RASGEF1A: variants seen among roughly 807,000 people sequenced by gnomAD.
RASGEF1A encodes RasGEF domain family member 1A, also known as ras-GEF domain-containing family member 1A.
A neutral mutation model predicts 56.4 loss-of-function variants in RASGEF1A; 18 were observed. The ratio of observed to expected loss-of-function variants is 0.32; its 90% CI spans 0.22 to 0.47. The LOEUF (loss-of-function observed/expected upper bound fraction) is 0.47. RASGEF1A is among the 20% of genes least tolerant of loss of function. RASGEF1A has a pLI of 1.00. For missense variants in RASGEF1A, 422 were observed against 627.1 expected (o/e 0.67, Z 3.49); for synonymous variants, 245 against 242.6 (o/e 1.01, Z -0.09).
chr10:43,226,073 T>C (rs752277007), intron 1 of RASGEF1A, among the ~76,000 whole-genome samples: 7 of 152,152 alleles, frequency 4.6e-5, no homozygotes, highest in Non-Finnish European at 7.4e-5. Context: ...ACACCAGCTT[T>C]GCCAACAAAA....
In RASGEF1A at chr10:43,209,689, C is replaced by A. The variant is rs570468190; in HGVS notation, c.-6-3567G>T. Among the ~76,000 whole-genome samples the A allele has an allele frequency of 2.6e-4, 39 of 151,544 alleles. 1 individual carries two copies. Among genetic ancestry groups the A allele is most frequent in the African/African-American group, 5.8e-4 (24 of 41,270 alleles). On this transcript the variant is annotated intron_variant, in intron 1 of 12. Transcript: ENST00000395810. Reference sequence around the variant, plus strand: ...CTGTGGAGAGCTCAGGAAGCCCCCCCACCAGGGCTAGGCAGAGATAGGGCT... The same window carrying A: ...CTGTGGAGAGCTCAGGAAGCCCCCCAACCAGGGCTAGGCAGAGATAGGGCT...
At chr10:43,250,583 GAGACCCCA>G (rs1188358904) in intron 1 of RASGEF1A, among the ~76,000 whole-genome samples, 4 of 152,184 alleles carry the variant, frequency 2.6e-5, no homozygotes, top group Non-Finnish European at 4.4e-5. Context: ...AGCTCAGTGG[GAGACCCCA>G]GCACACAGCC....
rs1407584002 is a variant in RASGEF1A at position 43,214,805 on chromosome 10, GT to G, written c.-6-8684del. On this transcript the variant is annotated intron_variant, in intron 1 of 12. Coordinates refer to ENST00000395810, the MANE Select transcript of RASGEF1A (RefSeq NM_145313.4). ...CCTTGCTTTGCTTTAAGTGTGCATC[GT>G]TAGGAGTTAGAGTGAGCTGTGTGCT... Among the ~76,000 whole-genome samples the G allele has an allele frequency of 3.3e-5, 5 of 152,182 alleles. No individual in the cohort carries two copies. The South Asian group carries it at 8.3e-4, about 25-fold the overall frequency.
Position 43,198,962 on chromosome 10 carries a change from C to T in RASGEF1A, c.1003G>A (p.Val335Ile). 6.2e-7 allele frequency: 1 copy of T among 1,613,668 alleles called. No individual in the cohort carries two copies. Residue 335 changes from valine (V) to isoleucine (I), a missense_variant, in exon 9 of 13, where the codon GTC becomes ATC. Val to Ile is a conservative substitution (Grantham distance 29). Around this residue, in one of 2 missense-constraint regions of RASGEF1A, gnomAD observed 149 missense variants for 287.2 expected, o/e 0.52. Coordinates refer to ENST00000395810, the MANE Select transcript of RASGEF1A (RefSeq NM_145313.4). ...AAGACATCAAACTTGGCTGTCTTGA[C>T]CTTGGACCAAGTTTTCTTCAGCCTT... ...VARLKKTWSK[V>I]KTAKFDVLEH...
At chr10:43,261,738 G>C (rs1481357725) in intron 1 of RASGEF1A, among the ~76,000 whole-genome samples, 1 of 152,128 alleles carries the variant, frequency 6.6e-6, no homozygotes, top group Non-Finnish European at 1.5e-5. Flanking sequence ...AGCCAGCAAA[G>C]CCGGGGCTGC....
chr10:43,214,671 G>A (rs1457229025), intron 1 of RASGEF1A, among the ~76,000 whole-genome samples: 1 of 152,230 alleles, frequency 6.6e-6, no homozygotes, highest in African/African-American at 2.4e-5. Flanking sequence ...GGGAAGAGCA[G>A]TATAAGGCAG....
At chr10:43,205,839 G>A (rs538597552) in intron 2 of RASGEF1A, 80 bp downstream of exon 2, 20 of 1,200,128 alleles carry the variant, frequency 1.7e-5, no homozygotes, top group Non-Finnish European at 2.2e-5. Context: ...CACTCTGTGG[G>A]GGCCTCCCTC....
chr10:43,196,921 T>C lies in RASGEF1A; in HGVS notation c.1348+55A>G, dbSNP rs888972420. The C allele has an allele frequency of 6.2e-7, 1 of 1,600,232 alleles. No homozygotes were observed. The highest frequency in any genetic ancestry group is 2.2e-5 in the East Asian group (1 of 44,836). ...GGGCAACCCCAAAGAGCACCGGGCC[T>C]GGACAAGGAGTCAGGTGGGGTGGGA... On this transcript the variant is annotated intron_variant, in intron 11 of 12. Transcript: ENST00000395810. This position sits in a 1 kb window ranked among gnomAD's most constrained non-coding sequence, Gnocchi z 4.6.
At chr10:43,231,279 G>A (rs892592323) in intron 1 of RASGEF1A, among the ~76,000 whole-genome samples, 9 of 152,254 alleles carry the variant, frequency 5.9e-5, no homozygotes, top group Admixed American at 2.0e-4. Context: ...TGGCTTCATG[G>A]AGAGCACCAA....
At chr10:43,251,809 G>A (rs560340816) in intron 1 of RASGEF1A, among the ~76,000 whole-genome samples, 34 of 152,326 alleles carry the variant, frequency 2.2e-4, no homozygotes, top group African/African-American at 8.2e-4. Flanking sequence ...GGGGGACCAG[G>A]CCTTCGTCTG....
At chr10:43,245,779 A>G (rs1840561189) in intron 1 of RASGEF1A, among the ~76,000 whole-genome samples, 1 of 152,240 alleles carries the variant, frequency 6.6e-6, no homozygotes, top group African/African-American at 2.4e-5. Flanking sequence ...CCAATAAAGG[A>G]TATCTGTGAA....
intron 1 of RASGEF1A, among the ~76,000 whole-genome samples, chr10:43,264,373 AG>A (rs1836587657): frequency 6.7e-6 from 1 of 149,114 alleles, no homozygotes; most frequent in African/African-American, 2.5e-5. Context: ...GCCATAGGGG[AG>A]GGCCTCTGAC....
At chr10:43,221,973 G>A (rs1215606209) in intron 1 of RASGEF1A, among the ~76,000 whole-genome samples, 6 of 152,204 alleles carry the variant, frequency 3.9e-5, no homozygotes, top group Non-Finnish European at 5.9e-5. Context: ...GTCCATTCGC[G>A]ACGGGGATAC....
chr10:43,209,905 T>C (rs541994888), intron 1 of RASGEF1A, among the ~76,000 whole-genome samples: 1 of 152,034 alleles, frequency 6.6e-6, no homozygotes, highest in African/African-American at 2.4e-5. Context: ...CTGGTGGGAG[T>C]GGGCCCAGTG....
chr10:43,216,445 G>A (rs1021764857), intron 1 of RASGEF1A, among the ~76,000 whole-genome samples: 5 of 152,246 alleles, frequency 3.3e-5, no homozygotes, highest in African/African-American at 1.2e-4. Flanking sequence ...GGGCTCAGCA[G>A]GGAGTCAGGC....
intron 3 of RASGEF1A, chr10:43,202,644 C>G (rs747739156): frequency 4.3e-6 from 2 of 466,802 alleles, no homozygotes; most frequent in South Asian, 3.1e-5. Context: ...GGACCCCGCC[C>G]CCGGCCCCCG....
At chr10:43,266,805 G>A (rs1158864850) in intron 1 of RASGEF1A, 40 bp downstream of exon 1, 1 of 145,862 alleles carries the variant, frequency 6.9e-6, no homozygotes, top group Admixed American at 6.8e-5. Flanking sequence ...AGGCGCGGGC[G>A]GGGGCCCCGA....
At chr10:43,207,315 T>C (rs762811625) in intron 1 of RASGEF1A, 85 of 985,166 alleles carry the variant, frequency 8.6e-5, no homozygotes, top group East Asian at 1.1e-4. Context: ...TTCAGTGCCA[T>C]GACAGGACCG....
chr10:43,227,297 C>G (rs994337084), intron 1 of RASGEF1A, among the ~76,000 whole-genome samples: 2 of 152,146 alleles, frequency 1.3e-5, no homozygotes, highest in Non-Finnish European at 2.9e-5. Context: ...TGCCTGCCCC[C>G]CCGACAGATG....
Sources: allele counts gnomAD v4.1 joint callset (sites outside exome capture counted in the v4.1 genomes callset), GRCh38; gene constraint gnomAD v4.1.1; regional missense constraint gnomAD v4.1.1; non-coding constraint Gnocchi (gnomAD v3.1); transcripts MANE v1.5; gene names NCBI Gene and HGNC (gene_info 2026-07-23, HGNC 2026-07-21).